The following ESRRG variants were observed in gnomAD, a reference collection of about 807,000 sequenced individuals.
ESRRG encodes estrogen-related receptor gamma.
Under a neutral mutation model 44.0 loss-of-function variants are expected in ESRRG, and 13 were observed. The ratio of observed to expected loss-of-function variants is 0.30; its 90% CI spans 0.19 to 0.47. The LOEUF (loss-of-function observed/expected upper bound fraction) is 0.47, where lower values mean the gene tolerates loss of function less well. Ranked by LOEUF, ESRRG falls within the 20% of genes least tolerant of loss-of-function variation. The probability of loss-of-function intolerance (pLI) is 1.00; values close to 1 mark genes in which losing one functional copy is unlikely to be tolerated. For synonymous variants in ESRRG, 215 were observed against 214.6 expected (o/e 1.00, Z -0.02); for missense variants, 395 against 580.6 (o/e 0.68, Z 3.29).
At chr1:217,119,541 A>T (rs2092790638) in intron 1 of ESRRG, among the ~76,000 whole-genome samples, 1 of 152,162 alleles carries the variant, frequency 6.6e-6, no homozygotes, top group Non-Finnish European at 1.5e-5. Flanking sequence ...TGTATCCACA[A>T]TCCCTTTTCC....
chr1:216,932,723 T>C (rs1005027322), intron 2 of ESRRG, among the ~76,000 whole-genome samples: 1 of 142,938 alleles, frequency 7.0e-6, no homozygotes, highest in African/African-American at 2.6e-5. Context: ...AAACTTGTTT[T>C]TTTTTTTTTT....
intron 1 of ESRRG, chr1:216,707,278 A>G (rs2082638289): frequency 1.4e-6 from 2 of 1,466,070 alleles, no homozygotes; most frequent in East Asian, 2.5e-5. Context: ...ATCAAACCAT[A>G]TACAAGTAAC....
chr1:216,937,646 G>A (rs1325378159), intron 2 of ESRRG, among the ~76,000 whole-genome samples: 1 of 152,148 alleles, frequency 6.6e-6, no homozygotes, highest in Non-Finnish European at 1.5e-5. Context: ...AGGGGAGGAA[G>A]GGGGGAAGAA....
chr1:216,779,350 A>G (rs868683414), intron 2 of ESRRG, among the ~76,000 whole-genome samples: 2 of 89,812 alleles, frequency 2.2e-5, no homozygotes, highest in South Asian at 3.7e-4. Context: ...TATAAACATA[A>G]AATATTTATA....
intron 2 of ESRRG, among the ~76,000 whole-genome samples, chr1:216,773,007 C>T (rs994966263): frequency 4.6e-5 from 7 of 152,082 alleles, no homozygotes; most frequent in Non-Finnish European, 1.0e-4. Context: ...AGGAGATGAG[C>T]ATCCCTTTTA....
At chr1:217,099,433 A>G (rs1287240288) in intron 1 of ESRRG, among the ~76,000 whole-genome samples, 2 of 152,066 alleles carry the variant, frequency 1.3e-5, no homozygotes, top group African/African-American at 4.8e-5. Context: ...ATTCTTTTTA[A>G]TTTTCTATGT....
intron 2 of ESRRG, among the ~76,000 whole-genome samples, chr1:216,811,718 G>A (rs943137392): frequency 6.6e-6 from 1 of 152,126 alleles, no homozygotes; most frequent in African/African-American, 2.4e-5. Context: ...AGAATAAATT[G>A]TGCATTATTT....
At chr1:216,738,758 T>G (rs2090299049) in intron 2 of ESRRG, among the ~76,000 whole-genome samples, 2 of 152,190 alleles carry the variant, frequency 1.3e-5, no homozygotes, top group Admixed American at 1.3e-4. Context: ...CTCAAAACAC[T>G]GGCAGATTCC....
intron 1 of ESRRG, among the ~76,000 whole-genome samples, chr1:216,994,523 G>A (rs192314399): frequency 9.9e-5 from 15 of 152,096 alleles, no homozygotes; most frequent in South Asian, 4.2e-4. Flanking sequence ...CATAAGAGAC[G>A]GTAAAAAAGT....
chr1:216,540,627 G>A (rs1182124272), intron 5 of ESRRG, among the ~76,000 whole-genome samples: 1 of 151,960 alleles, frequency 6.6e-6, no homozygotes, highest in Non-Finnish European at 1.5e-5. Flanking sequence ...CAGTAAAGAT[G>A]TAGATGTAAT....
At chr1:217,132,293 G>C (rs1286984791) in intron 1 of ESRRG, among the ~76,000 whole-genome samples, 1 of 152,232 alleles carries the variant, frequency 6.6e-6, no homozygotes, top group Non-Finnish European at 1.5e-5. Flanking sequence ...CCTTGAGCTA[G>C]GCCAATTAAT....
intron 1 of ESRRG, among the ~76,000 whole-genome samples, chr1:216,958,745 A>G (rs780412125): frequency 9.9e-5 from 15 of 152,168 alleles, no homozygotes; most frequent in Non-Finnish European, 1.8e-4. Flanking sequence ...CGCTCGGGTA[A>G]CATTATGATC....
chr1:217,136,286 G>A (rs1194928223), intron 1 of ESRRG, among the ~76,000 whole-genome samples: 1 of 152,220 alleles, frequency 6.6e-6, no homozygotes, highest in African/African-American at 2.4e-5. Flanking sequence ...CTGAGGTACT[G>A]GGACAGGAAT....
At chr1:216,774,111 T>C (rs1238650337) in intron 2 of ESRRG, among the ~76,000 whole-genome samples, 1 of 152,068 alleles carries the variant, frequency 6.6e-6, no homozygotes, top group East Asian at 1.9e-4. Context: ...AGAGCTAAGA[T>C]TTGAACCCAA....
intron 2 of ESRRG, among the ~76,000 whole-genome samples, chr1:216,911,672 G>A (rs1045164689): frequency 4.6e-5 from 7 of 151,970 alleles, no homozygotes; most frequent in Admixed American, 1.3e-4. Flanking sequence ...TGATAATGGA[G>A]CAGGCTGTGC....
At chr1:217,019,161 G>T (rs1043552633) in intron 1 of ESRRG, among the ~76,000 whole-genome samples, 4 of 152,204 alleles carry the variant, frequency 2.6e-5, no homozygotes, top group Non-Finnish European at 2.9e-5. Flanking sequence ...CTATTAAACA[G>T]TCTGGTGCTC....
chr1:217,049,768 C>A (rs145421831), intron 1 of ESRRG, among the ~76,000 whole-genome samples: 8 of 152,262 alleles, frequency 5.3e-5, no homozygotes, highest in Admixed American at 5.2e-4. Context: ...CCAGGGAGAT[C>A]AGCCAGTGTC....
rs186752762 is a variant in ESRRG, at chr1:216,616,409, C to A, written c.589+34564G>T. On this transcript the variant is annotated intron_variant, in intron 3 of 6. Transcript: ENST00000408911. Reference sequence around the variant, plus strand: ...TTATCTTTCTCAAATCAAAAAGTGCCAGACTAAAAAACAAGCGTGTCTGAT... The same window carrying A: ...TTATCTTTCTCAAATCAAAAAGTGCAAGACTAAAAAACAAGCGTGTCTGAT... Among the ~76,000 whole-genome samples, 888 of 152,262 alleles carry A rather than the reference C, an allele frequency of 5.8e-3. 16 individuals carry two copies. The highest frequency in any genetic ancestry group is 6.0e-3 in the Non-Finnish European group (408 of 68,022).
chr1:217,087,153 C>G (rs1447525969), intron 1 of ESRRG, among the ~76,000 whole-genome samples: 1 of 152,132 alleles, frequency 6.6e-6, no homozygotes, highest in Non-Finnish European at 1.5e-5. Context: ...AGCCCATTAC[C>G]TCTGGCGGGC....
Sources: allele counts gnomAD v4.1 joint callset (sites outside exome capture counted in the v4.1 genomes callset), GRCh38; gene constraint gnomAD v4.1.1; transcripts MANE v1.5; gene names NCBI Gene and HGNC (gene_info 2026-07-23, HGNC 2026-07-21).